Variants in SNX29 observed in about 807,000 individuals in gnomAD.
SNX29 encodes the protein sorting nexin 29, also known as sorting nexin-29.
In SNX29, 78 loss-of-function variants were observed where a neutral mutation model predicts 102.1. The observed-to-expected ratio is 0.76, with a 90% CI of 0.64 to 0.92. The LOEUF is 0.92. Ranked by LOEUF, SNX29 falls within the 40% of genes least tolerant of loss-of-function variation. The probability of loss-of-function intolerance (pLI) is 0.00; values close to 1 mark genes in which losing one functional copy is unlikely to be tolerated. For missense variants in SNX29, 1,280 were observed against 1,061.7 expected, an observed-to-expected ratio of 1.21 and a Z score of -2.86; for synonymous variants, 580 against 414.5, an observed-to-expected ratio of 1.40 and a Z score of -4.85.
At position 12,266,334 on chromosome 16, in the gene SNX29, C is replaced by T. The variant is rs568648888; in HGVS notation, c.1679-11599C>T. Among the ~76,000 whole-genome samples the T allele has an allele frequency of 4.6e-5, 7 of 152,288 alleles. No homozygotes were observed. In the South Asian group the frequency reaches 1.0e-3, roughly 23 times the overall value. Reference sequence around the variant, plus strand: ...GCAATTCTCCAACACCAGCCGGGCTCCCTACAGTTGAATTCTGACAGGACG... The same window carrying T: ...GCAATTCTCCAACACCAGCCGGGCTTCCTACAGTTGAATTCTGACAGGACG... On this transcript the variant is annotated intron_variant, in intron 14 of 20. Coordinates refer to ENST00000566228, the MANE Select transcript of SNX29 (RefSeq NM_032167.5).
intron 15 of SNX29, among the ~76,000 whole-genome samples, chr16:12,304,940 T>C (rs1016062020): frequency 6.6e-6 from 1 of 152,250 alleles, no homozygotes; most frequent in Non-Finnish European, 1.5e-5. Flanking sequence ...TGCATGTTAC[T>C]AATTTTCCAA....
chr16:12,491,379 C>G (rs2088537164), intron 19 of SNX29, among the ~76,000 whole-genome samples: 1 of 152,218 alleles, frequency 6.6e-6, no homozygotes. Context: ...CAGTGGTTCA[C>G]TCTCAATCAT....
At chr16:12,398,551 G>A in intron 17 of SNX29, 50 bp downstream of exon 17, 1 of 1,603,308 alleles carries the variant, frequency 6.2e-7, no homozygotes, top group Non-Finnish European at 8.5e-7. Context: ...ACTGGACTCT[G>A]TTGTTGGCTT....
intron 13 of SNX29, among the ~76,000 whole-genome samples, chr16:12,182,428 G>A (rs773858447): frequency 2.6e-5 from 4 of 152,048 alleles, no homozygotes; most frequent in African/African-American, 4.8e-5. Flanking sequence ...AGCTCATTTT[G>A]CTTCACAAAA....
intron 19 of SNX29, among the ~76,000 whole-genome samples, chr16:12,511,538 G>A (rs183857158): frequency 7.2e-5 from 11 of 152,164 alleles, no homozygotes; most frequent in South Asian, 2.1e-4. Context: ...CTTCAGCTCC[G>A]TGTGGAGCCC....
At chr16:12,405,141 G>T (rs144559630) in intron 18 of SNX29, among the ~76,000 whole-genome samples, 1 of 152,178 alleles carries the variant, frequency 6.6e-6, no homozygotes, top group Non-Finnish European at 1.5e-5. Context: ...GGTCATCAGA[G>T]AGCTGGAAGG....
intron 16 of SNX29, among the ~76,000 whole-genome samples, chr16:12,367,898 T>C (rs2082543734): frequency 6.6e-6 from 1 of 152,238 alleles, no homozygotes; most frequent in South Asian, 2.1e-4. Flanking sequence ...TCAGAAATAT[T>C]AGCCTTTGAC....
chr16:12,423,642 C>T (rs893460989), intron 18 of SNX29, among the ~76,000 whole-genome samples: 3 of 152,150 alleles, frequency 2.0e-5, no homozygotes, highest in Non-Finnish European at 2.9e-5. Flanking sequence ...GCCATCTTGG[C>T]TCACTGCAAA....
At position 12,573,945 on chromosome 16, in the gene SNX29, A is replaced by G. The variant is rs546590816; in HGVS notation, c.*5316A>G. 3 of 199,874 alleles carry G rather than the reference A, an allele frequency of 1.5e-5. No individual in the cohort carries two copies. The highest frequency in any genetic ancestry group is 1.0e-5 in the Non-Finnish European group (1 of 96,682). The allele number at this position is 199,874 out of a possible 1,614,324, so 12.4% of individuals were successfully genotyped here. ...TCTTAGAGAAGCGAGTCTTTTTTGA[A>G]TGGAGGAGCGATGGTAACCCCACTA... On this transcript the variant is annotated 3_prime_UTR_variant, in exon 21 of 21. Coordinates refer to ENST00000566228, the MANE Select transcript of SNX29 (RefSeq NM_032167.5).
chr16:12,233,026 T>A (rs898408302), intron 14 of SNX29, among the ~76,000 whole-genome samples: 1 of 152,146 alleles, frequency 6.6e-6, no homozygotes, highest in Non-Finnish European at 1.5e-5. Flanking sequence ...TCACCACAGT[T>A]CTGGATGAGA....
At chr16:12,331,915 A>G (rs1380344957) in intron 15 of SNX29, among the ~76,000 whole-genome samples, 1 of 152,044 alleles carries the variant, frequency 6.6e-6, no homozygotes, top group African/African-American at 2.4e-5. Context: ...GAACCTTAGC[A>G]GGCAAGTGGT....
chr16:12,264,829 C>T (rs1430709248), intron 14 of SNX29, among the ~76,000 whole-genome samples: 1 of 151,926 alleles, frequency 6.6e-6, no homozygotes, highest in African/African-American at 2.4e-5. Flanking sequence ...TGATCTATTG[C>T]CCTCCATATC....
At chr16:12,362,290 G>A (rs893892094) in intron 16 of SNX29, among the ~76,000 whole-genome samples, 5 of 151,706 alleles carry the variant, frequency 3.3e-5, no homozygotes, top group African/African-American at 1.2e-4. Context: ...CCTTTAGCCT[G>A]GAAGGCTGGC....
chr16:12,403,320 G>A (rs1348965255), intron 17 of SNX29, 128 bp from the exon 18 acceptor site: 2 of 729,634 alleles, frequency 2.7e-6, no homozygotes, highest in Admixed American at 2.6e-5. Context: ...TGTGATGTAA[G>A]TTGTCATAAA....
At chr16:12,390,503 T>C (rs1404304248) in intron 16 of SNX29, among the ~76,000 whole-genome samples, 1 of 151,992 alleles carries the variant, frequency 6.6e-6, no homozygotes, top group Non-Finnish European at 1.5e-5. Flanking sequence ...GGACTTCCTC[T>C]CCCCCTGTCA....
intron 20 of SNX29, among the ~76,000 whole-genome samples, chr16:12,554,239 C>T (rs2561038): frequency 0.017 from 2,543 of 152,230 alleles, 63 homozygotes; most frequent in African/African-American, 0.053. Flanking sequence ...ACATCTCCCT[C>T]GGCTGCATCG....
At chr16:12,444,895 A>T (rs1288642716) in intron 18 of SNX29, among the ~76,000 whole-genome samples, 2 of 138,254 alleles carry the variant, frequency 1.4e-5, no homozygotes, top group Admixed American at 1.6e-4. Flanking sequence ...TCAGTCATCC[A>T]GGCTGGAGTG....
At chr16:12,396,806 C>T (rs974491256) in intron 16 of SNX29, among the ~76,000 whole-genome samples, 2 of 152,150 alleles carry the variant, frequency 1.3e-5, no homozygotes, top group African/African-American at 4.8e-5. Context: ...GTGATACACA[C>T]TTAAATTGAT....
chr16:12,272,202 T>C (rs985814378), intron 14 of SNX29, among the ~76,000 whole-genome samples: 1 of 152,212 alleles, frequency 6.6e-6, no homozygotes, highest in Non-Finnish European at 1.5e-5. Flanking sequence ...TTGCTGATTC[T>C]TCTTAAATAT....
Sources: allele counts gnomAD v4.1 joint callset (sites outside exome capture counted in the v4.1 genomes callset), GRCh38; gene constraint gnomAD v4.1.1; transcripts MANE v1.5; gene names NCBI Gene and HGNC (gene_info 2026-07-23, HGNC 2026-07-21).